CPED1: variants seen among roughly 807,000 people sequenced by gnomAD.
CPED1 encodes cadherin like and PC-esterase domain containing 1, also known as cadherin-like and PC-esterase domain-containing protein 1.
Under a neutral mutation model 128.2 loss-of-function variants are expected in CPED1, and 114 were observed. The ratio of observed to expected loss-of-function variants is 0.89; its 90% CI spans 0.76 to 1.04. CPED1 has a LOEUF of 1.04. CPED1 is among the 50% of genes least tolerant of loss of function. The probability of loss-of-function intolerance (pLI) is 0.00; values close to 1 mark genes in which losing one functional copy is unlikely to be tolerated. For synonymous variants in CPED1, 462 were observed against 426.7 expected, an observed-to-expected ratio of 1.08 and a Z score of -1.02; for missense variants, 1,211 against 1,207.1, an observed-to-expected ratio of 1.00 and a Z score of -0.05.
At chr7:121,110,992 G>A (rs146157637) in intron 7 of CPED1, among the ~76,000 whole-genome samples, 1 of 152,232 alleles carries the variant, frequency 6.6e-6, no homozygotes, top group Non-Finnish European at 1.5e-5. Context: ...AAGAGAGAGG[G>A]TTCAAGGATG....
At chr7:121,040,347 G>C (rs1156330090) in intron 3 of CPED1, among the ~76,000 whole-genome samples, 2 of 152,082 alleles carry the variant, frequency 1.3e-5, no homozygotes, top group Non-Finnish European at 2.9e-5. Context: ...TAAGGTGACT[G>C]TTTCTTGTCC....
intron 3 of CPED1, among the ~76,000 whole-genome samples, chr7:121,022,777 C>T (rs1193042528): frequency 1.3e-5 from 2 of 152,106 alleles, no homozygotes; most frequent in South Asian, 2.1e-4. Flanking sequence ...AGTCAAAAAC[C>T]GCGTCATATC....
At chr7:121,258,666 C>G (rs1211822143) in intron 18 of CPED1, among the ~76,000 whole-genome samples, 1 of 152,046 alleles carries the variant, frequency 6.6e-6, no homozygotes, top group Non-Finnish European at 1.5e-5. Flanking sequence ...TGAGAAGGCA[C>G]TAGAGAAGAT....
intron 16 of CPED1, among the ~76,000 whole-genome samples, chr7:121,203,820 G>A (rs1227968211): frequency 6.6e-6 from 1 of 152,128 alleles, no homozygotes; most frequent in African/African-American, 2.4e-5. Context: ...GTATTCAAGA[G>A]CAGAGGAAAA....
chr7:121,049,597 A>T (rs920905938), intron 4 of CPED1, among the ~76,000 whole-genome samples: 2 of 152,268 alleles, frequency 1.3e-5, no homozygotes, highest in Non-Finnish European at 2.9e-5. Flanking sequence ...TATTTAGCAC[A>T]ATAAGCTATT....
intron 3 of CPED1, among the ~76,000 whole-genome samples, chr7:121,036,940 T>G (rs1468911516): frequency 6.6e-6 from 1 of 152,188 alleles, no homozygotes; most frequent in Non-Finnish European, 1.5e-5. Flanking sequence ...TATACCTTCT[T>G]TTGAGAATTG....
intron 2 of CPED1, among the ~76,000 whole-genome samples, chr7:121,000,401 C>T (rs1330343993): frequency 2.0e-5 from 3 of 152,080 alleles, no homozygotes; most frequent in Admixed American, 6.6e-5. Flanking sequence ...AAGACTGAGT[C>T]GGCCATGTAT....
chr7:120,994,663 T>TG (rs1442416251), intron 2 of CPED1, among the ~76,000 whole-genome samples: 17 of 83,368 alleles, frequency 2.0e-4, no homozygotes, highest in African/African-American at 7.5e-4. Context: ...GTGTGTGTTG[T>TG]TGTTGTTGTT....
chr7:120,989,266 C>CAAGGA, intron 1 of CPED1, 125 bp from the exon 2 acceptor site: 2 of 229,236 alleles, frequency 8.7e-6, no homozygotes, highest in South Asian at 6.1e-5. Context: ...CAGAGTCGGA[C>CAAGGA]TCCTTTACTG....
At position 121,093,805 on chromosome 7, in the gene CPED1, A is replaced by C. The variant is rs1375268929; in HGVS notation, c.617-3894A>C. On this transcript the variant is annotated intron_variant, in intron 5 of 22. Coordinates refer to ENST00000310396, the MANE Select transcript of CPED1 (RefSeq NM_024913.5). ...CTCCTTCCTGGGCTAAGAGTGGTAA[A>C]AGCTTCCCATTTTGTCGGCCCTGGG... Among the ~76,000 whole-genome samples, 3 of 151,974 alleles carry C rather than the reference A, an allele frequency of 2.0e-5. No homozygotes were observed. The East Asian group carries it at 5.8e-4, about 29-fold the overall frequency.
intron 16 of CPED1, among the ~76,000 whole-genome samples, chr7:121,163,231 C>A (rs1267131283): frequency 6.6e-6 from 1 of 152,204 alleles, no homozygotes; most frequent in Non-Finnish European, 1.5e-5. Flanking sequence ...AATGTCATTT[C>A]ATCATTTCTA....
chr7:121,294,353 C>G (rs1237587353), intron 22 of CPED1, among the ~76,000 whole-genome samples: 1 of 152,012 alleles, frequency 6.6e-6, no homozygotes. Flanking sequence ...CCTTTTATAA[C>G]TTATGCATGA....
Position 121,266,317 on chromosome 7 carries a change from C to T in CPED1, c.2401C>T (p.His801Tyr). ...NETLQEWQKVHGTKFYHNVNG... is the reference protein window; with the variant it reads ...NETLQEWQKVYGTKFYHNVNG... ...AACGTTGCAGGAATGGCAGAAAGTA[C>T]ATGGCACTAAATTCTATCACAACGT... Residue 801 changes from histidine to tyrosine, a missense_variant, in exon 19 of 23, where the codon CAT becomes TAT. By Grantham distance (83) the His-to-Tyr change is moderately conservative. Coordinates refer to ENST00000310396, the MANE Select transcript of CPED1 (RefSeq NM_024913.5). 6.2e-7 allele frequency: 1 copy of T among 1,613,174 alleles called. No individual in the cohort carries two copies. Among genetic ancestry groups the T allele is most frequent in the Admixed American group, 1.7e-5 (1 of 59,914 alleles).
chr7:121,132,881 A>G (rs189326341), intron 12 of CPED1, among the ~76,000 whole-genome samples: 2 of 152,116 alleles, frequency 1.3e-5, no homozygotes, highest in Admixed American at 1.3e-4. Flanking sequence ...AACTGCAAAA[A>G]ATTATCATGG....
intron 16 of CPED1, among the ~76,000 whole-genome samples, chr7:121,217,147 A>G (rs887303907): frequency 5.3e-5 from 8 of 151,846 alleles, no homozygotes; most frequent in Non-Finnish European, 7.4e-5. Context: ...CCTTAGACTC[A>G]AACTCCTTGG....
rs533244565 is a variant in CPED1 at position 121,161,491 on chromosome 7, C to A, written c.2055+19350C>A. Among the ~76,000 whole-genome samples, 5 of 152,282 alleles carry A rather than the reference C, an allele frequency of 3.3e-5. No individual in the cohort carries two copies. The South Asian group carries it at 1.0e-3, about 32-fold the overall frequency. ...GTCTTTCCTATCTCTGACCTCTAGA[C>A]CCAGATTTTAGCTCCCTAATTTAAG... is the stretch of plus-strand genomic sequence containing the variant. On this transcript the variant is annotated intron_variant, in intron 16 of 22. Coordinates refer to ENST00000310396, the MANE Select transcript of CPED1 (RefSeq NM_024913.5).
At chr7:121,215,210 T>C (rs1011115362) in intron 16 of CPED1, among the ~76,000 whole-genome samples, 18 of 152,036 alleles carry the variant, frequency 1.2e-4, no homozygotes, top group Non-Finnish European at 2.2e-4. Flanking sequence ...AGCTCCATCC[T>C]TTTGGCTCTG....
chr7:121,249,040 A>T (rs1198542182), intron 18 of CPED1, among the ~76,000 whole-genome samples: 5 of 152,194 alleles, frequency 3.3e-5, no homozygotes, highest in Admixed American at 2.6e-4. Flanking sequence ...TACAATCAGA[A>T]GTATTAGCAG....
intron 16 of CPED1, among the ~76,000 whole-genome samples, chr7:121,154,854 G>A (rs1407788917): frequency 6.6e-6 from 1 of 152,106 alleles, no homozygotes; most frequent in East Asian, 1.9e-4. Context: ...TAGAGATGTT[G>A]AATTTTATCA....
Sources: gnomAD v4.1 joint callset for allele counts (sites outside exome capture counted in the v4.1 genomes callset) on GRCh38, gnomAD v4.1.1 for gene constraint, MANE v1.5 for transcripts, NCBI Gene and HGNC (gene_info 2026-07-23, HGNC 2026-07-21) for gene names.